Variants in SNX13 observed in about 807,000 individuals in gnomAD.
SNX13 encodes the protein sorting nexin 13.
SNX13 carries 45 observed loss-of-function variants against 133.6 expected under a neutral mutation model. That is an observed-to-expected ratio of 0.34 (90% CI 0.27 to 0.43). SNX13 has a LOEUF of 0.43. SNX13 is among the 20% of genes least tolerant of loss of function. The pLI, the probability that SNX13 is intolerant of heterozygous loss-of-function variation, is 1.00. For synonymous variants in SNX13, 414 were observed against 373.9 expected, an observed-to-expected ratio of 1.11 and a Z score of -1.24; for missense variants, 1,032 against 1,145.1, an observed-to-expected ratio of 0.90 and a Z score of 1.43.
At chr7:17,840,464 G>C (rs1197651161) in intron 12 of SNX13, among the ~76,000 whole-genome samples, 1 of 151,954 alleles carries the variant, frequency 6.6e-6, no homozygotes, top group East Asian at 1.9e-4. Context: ...AAATTAAAAA[G>C]TATATATTAA....
At chr7:17,904,425 T>C (rs879353857) in intron 1 of SNX13, among the ~76,000 whole-genome samples, 1 of 152,232 alleles carries the variant, frequency 6.6e-6, no homozygotes, top group Non-Finnish European at 1.5e-5. Flanking sequence ...CAGTGCTTAA[T>C]TTAGGCCTAG....
intron 22 of SNX13, among the ~76,000 whole-genome samples, chr7:17,800,938 G>C (rs1784540485): frequency 8.0e-6 from 1 of 124,766 alleles, no homozygotes; most frequent in African/African-American, 3.0e-5. Context: ...GAACTCTCAT[G>C]TACTGTTGAT....
chr7:17,883,803 G>C (rs1172884841), intron 5 of SNX13, among the ~76,000 whole-genome samples: 1 of 152,074 alleles, frequency 6.6e-6, no homozygotes, highest in Non-Finnish European at 1.5e-5. Context: ...GCCACTCATG[G>C]GTGAGAACAT....
intron 5 of SNX13, among the ~76,000 whole-genome samples, chr7:17,877,366 ACT>A (rs564056044): frequency 1.1e-3 from 161 of 152,024 alleles, no homozygotes; most frequent in African/African-American, 3.6e-3. Context: ...GTCTCTAGAA[ACT>A]CTTTTTTCTT....
chr7:17,834,234 AT>A (rs35896224), intron 14 of SNX13, 50 bp from the exon 15 acceptor site: 2 of 1,438,782 alleles, frequency 1.4e-6, no homozygotes, highest in South Asian at 3.1e-5. Context: ...GTGTGTGGTG[AT>A]TTTTACAAAA....
intron 6 of SNX13, 35 bp downstream of exon 6, chr7:17,875,634 C>T (rs1282485132): frequency 6.2e-7 from 1 of 1,606,328 alleles, no homozygotes; most frequent in African/African-American, 1.3e-5. Context: ...AACAGATTTT[C>T]AAATCCTAGT....
intron 8 of SNX13, among the ~76,000 whole-genome samples, chr7:17,872,417 G>C (rs902279158): frequency 3.3e-5 from 5 of 152,144 alleles, no homozygotes; most frequent in African/African-American, 9.7e-5. Context: ...ATGCCAAATG[G>C]ATACTCTGCA....
chr7:17,874,923 T>C (rs1583577412), intron 7 of SNX13, among the ~76,000 whole-genome samples: 1 of 152,298 alleles, frequency 6.6e-6, no homozygotes, highest in East Asian at 1.9e-4. Flanking sequence ...AAATAATAAA[T>C]TCAAGAGGAA....
chr7:17,857,601 T>C (rs948518864), intron 9 of SNX13, among the ~76,000 whole-genome samples: 1 of 152,052 alleles, frequency 6.6e-6, no homozygotes, highest in Non-Finnish European at 1.5e-5. Flanking sequence ...CTGGCCAACA[T>C]GGTGAAACCT....
chr7:17,840,859 A>C (rs1789788168), intron 12 of SNX13, among the ~76,000 whole-genome samples: 1 of 152,238 alleles, frequency 6.6e-6, no homozygotes, highest in South Asian at 2.1e-4. Flanking sequence ...CAATGGCAGA[A>C]TCTGATGTAA....
chr7:17,846,674 AAAAC>A (rs1487886084), intron 11 of SNX13, among the ~76,000 whole-genome samples: 2 of 152,192 alleles, frequency 1.3e-5, no homozygotes, highest in Non-Finnish European at 2.9e-5. Context: ...ATTAAAAAAA[AAAAC>A]AAATCCATCT....
chr7:17,864,716 A>T (rs1391916909), intron 9 of SNX13, among the ~76,000 whole-genome samples: 1 of 151,982 alleles, frequency 6.6e-6, no homozygotes, highest in Non-Finnish European at 1.5e-5. Context: ...TGTAAATCAA[A>T]CTCTCCAAGG....
chr7:17,814,902 C>G lies in SNX13; in HGVS notation c.1996G>C (p.Ala666Pro). ...TCAAGGAAATCATACACATAGTGAG[C>G]TAAAGCGGGGGATGCCTTCATCATT... The part of the protein sequence containing the change: ...PEMMKASPAL[A>P]HYVYDFLENK... Residue 666 changes from alanine to proline, a missense_variant, in exon 20 of 26, where the codon GCT becomes CCT. Transcript: ENST00000428135. 2.0e-6 allele frequency: 3 copies of G among 1,530,836 alleles called. No homozygotes were observed. The highest frequency in any genetic ancestry group is 1.7e-6 in the Non-Finnish European group (2 of 1,149,254). 94.8% of individuals were successfully genotyped at this position (1,530,836 alleles called of 1,614,324 possible).
intron 1 of SNX13, among the ~76,000 whole-genome samples, chr7:17,901,444 T>C (rs1797830154): frequency 1.3e-5 from 2 of 152,156 alleles, no homozygotes; most frequent in African/African-American, 2.4e-5. Context: ...CCCGAGCACA[T>C]TAGCCAGCAG....
At chr7:17,848,608 C>T (rs1449294991) in intron 11 of SNX13, among the ~76,000 whole-genome samples, 1 of 152,224 alleles carries the variant, frequency 6.6e-6, no homozygotes, top group East Asian at 1.9e-4. Context: ...TTTGCTCTTG[C>T]CAGTGCTAAT....
At position 17,893,448 on chromosome 7, in the gene SNX13, T is replaced by C. The variant is rs995263247; in HGVS notation, c.126-14A>G. The C allele has an allele frequency of 6.8e-7, 1 of 1,468,610 alleles. No individual in the cohort carries two copies. The highest frequency in any genetic ancestry group is 9.2e-7 in the Non-Finnish European group (1 of 1,084,316). 91.0% of individuals were successfully genotyped at this position (1,468,610 alleles called of 1,614,324 possible). On this transcript the variant is annotated splice_polypyrimidine_tract_variant and intron_variant, in intron 2 of 25. Coordinates refer to ENST00000428135, the MANE Select transcript of SNX13 (RefSeq NM_015132.5). ...ACCACTAAACCCCTAGAAAGAAAAA[T>C]TTAATCACAAATATAAAAACAAAAT... is the stretch of plus-strand genomic sequence containing the variant.
At chr7:17,929,526 T>C (rs13227506) in intron 1 of SNX13, among the ~76,000 whole-genome samples, 5 of 151,262 alleles carry the variant, frequency 3.3e-5, no homozygotes, top group Non-Finnish European at 7.4e-5. Flanking sequence ...TACATATTTT[T>C]AAAAAAAAAG....
chr7:17,892,105 A>T (rs1796688528), intron 3 of SNX13, among the ~76,000 whole-genome samples: 1 of 152,056 alleles, frequency 6.6e-6, no homozygotes, highest in East Asian at 1.9e-4. Flanking sequence ...TTTTGTGTTC[A>T]GAAAGATCAG....
chr7:17,853,968 G>GA (rs1301466792), intron 9 of SNX13, among the ~76,000 whole-genome samples: 18 of 151,158 alleles, frequency 1.2e-4, no homozygotes, highest in African/African-American at 4.4e-4. Context: ...GAAAAAAAAA[G>GA]AAAAAAGAAA....
Sources: gnomAD v4.1 joint callset for allele counts (sites outside exome capture counted in the v4.1 genomes callset) on GRCh38, gnomAD v4.1.1 for gene constraint, MANE v1.5 for transcripts, NCBI Gene and HGNC (gene_info 2026-07-23, HGNC 2026-07-21) for gene names.